The following GSS variants were observed in gnomAD, a reference collection of about 807,000 sequenced individuals.
GSS encodes the protein glutathione synthetase, also known as GSH synthetase.
A neutral mutation model predicts 60.4 loss-of-function variants in GSS; 34 were observed. The observed-to-expected ratio is 0.56, with a 90% confidence interval of 0.43 to 0.75. The LOEUF (loss-of-function observed/expected upper bound fraction) is 0.75, where lower values mean the gene tolerates loss of function less well. Ranked by LOEUF, GSS falls within the 30% of genes least tolerant of loss-of-function variation. GSS has a pLI of 0.00. For synonymous variants in GSS, 224 were observed against 239.0 expected (o/e 0.94, Z 0.58); for missense variants, 499 against 595.1 (o/e 0.84, Z 1.68).
chr20:34,929,035 C>T (rs978999941), intron 12 of GSS, 84 bp from the exon 13 acceptor site: 115 of 1,520,164 alleles, frequency 7.6e-5, no homozygotes, highest in South Asian at 5.4e-4. Context: ...TGAGCAGTAC[C>T]TGGGTAACTG....
Position 34,942,604 on chromosome 20 carries a change from G to A in GSS, c.375C>T (p.Arg125=). The A allele has an allele frequency of 1.2e-6, 2 of 1,614,132 alleles. No individual in the cohort carries two copies. Among genetic ancestry groups the A allele is most frequent in the Admixed American group, 3.3e-5 (2 of 60,026 alleles). ...IAQTVFLGLN[R]SDYMFQRSAD... ...CGCTGCGCTGGAACATGTAGTCTGAGCGATTCAGGCCCAGGAACACAGTCT... is the reference window on the plus strand; with the variant it reads ...CGCTGCGCTGGAACATGTAGTCTGAACGATTCAGGCCCAGGAACACAGTCT... Residue 125 remains arginine, a synonymous_variant, in exon 5 of 13, where the codon CGC becomes CGT. Coordinates refer to ENST00000651619, the MANE Select transcript of GSS (RefSeq NM_000178.4).
chr20:34,937,763 CAT>C (rs1339533753), intron 6 of GSS, among the ~76,000 whole-genome samples: 1 of 152,198 alleles, frequency 6.6e-6, no homozygotes, highest in Admixed American at 6.5e-5. Context: ...TGCCAGCTAA[CAT>C]ATTTCCGTTG....
At chr20:34,940,978 G>A (rs34632033) in intron 6 of GSS, among the ~76,000 whole-genome samples, 66 of 152,278 alleles carry the variant, frequency 4.3e-4, no homozygotes, top group African/African-American at 1.6e-3. Context: ...GGGCATGGGG[G>A]GTGGAGGATT....
At chr20:34,933,309 A>C (rs1473383455) in intron 9 of GSS, among the ~76,000 whole-genome samples, 8 of 152,140 alleles carry the variant, frequency 5.3e-5, no homozygotes, top group Admixed American at 5.2e-4. Flanking sequence ...TTGCTGAATA[A>C]GTTGAAATTT....
chr20:34,935,009 C>G (rs1344586847), intron 9 of GSS, among the ~76,000 whole-genome samples: 1 of 152,224 alleles, frequency 6.6e-6, no homozygotes, highest in Non-Finnish European at 1.5e-5. Flanking sequence ...AACCTGGGAA[C>G]TTCCTGTAGG....
intron 2 of GSS, 36 bp downstream of exon 2, chr20:34,951,688 C>T: frequency 1.9e-6 from 3 of 1,584,146 alleles, no homozygotes; most frequent in Non-Finnish European, 2.6e-6. Flanking sequence ...GACAGTGGGC[C>T]ATGGTGAATG....
chr20:34,955,992 C>G (rs1424385367), upstream of GSS: 1 of 152,222 alleles, frequency 6.6e-6, no homozygotes, highest in Non-Finnish European at 1.5e-5. Context: ...CCATCGGGGT[C>G]GGCGGGGAGC....
At chr20:34,935,523 G>C in intron 9 of GSS, 53 bp downstream of exon 9, 1 of 1,203,530 alleles carries the variant, frequency 8.3e-7, no homozygotes, top group Non-Finnish European at 1.2e-6. Flanking sequence ...GGGTCTCTGT[G>C]GAGCTCTTGT....
In GSS at chr20:34,935,633, C is replaced by T; in HGVS notation, c.777G>A (p.Gln259=). ...CCCGGAAGTAAACCACAGCAATTTC[C>T]TGGCCATCCCTGGAACACAGGATGG... is the stretch of plus-strand genomic sequence containing the variant. ...DQDRRLFVDG[Q]EIAVVYFRDG... Residue 259 remains glutamine (Q), a synonymous_variant, in exon 9 of 13, where the codon CAG becomes CAA. Transcript: ENST00000651619. 3 of 1,611,052 alleles carry T rather than the reference C, an allele frequency of 1.9e-6. No homozygotes were observed. The East Asian group carries it at 6.7e-5, about 36-fold the overall frequency.
chr20:34,952,408 G>C (rs1040283800), intron 1 of GSS: 4 of 163,480 alleles, frequency 2.4e-5, no homozygotes, highest in African/African-American at 4.8e-5. Flanking sequence ...GATGCAAGAG[G>C]CCTGATGGGA....
Position 34,936,820 on chromosome 20 carries a change from C to T in GSS, c.710G>A (p.Arg237Gln), listed in dbSNP as rs758823167. 4.3e-5 allele frequency: 70 copies of T among 1,614,038 alleles called. No individual in the cohort carries two copies. The highest frequency in any genetic ancestry group is 4.1e-4 in the South Asian group (37 of 91,062). ...CTTTTCAGAGATATCTTCAAATGTTCGTCGGATCACATGGATGTTCCTGGG... is the reference window on the plus strand; with the variant it reads ...CTTTTCAGAGATATCTTCAAATGTTTGTCGGATCACATGGATGTTCCTGGG... ...LLARNIHVIR[R>Q]TFEDISEKGS... The change falls in exon 8 of 13, where the codon CGA (arginine) becomes CAA (glutamine). Residue 237 changes from arginine (R) to glutamine (Q), a missense_variant. By Grantham distance (43) the Arg-to-Gln change is conservative. Coordinates refer to ENST00000651619, the MANE Select transcript of GSS (RefSeq NM_000178.4).
chr20:34,928,603 G>A lies in GSS; in HGVS notation c.*225C>T. On this transcript the variant is annotated 3_prime_UTR_variant, in exon 13 of 13. Transcript: ENST00000651619. ...AGGGTTCATGGACCTTTACCTCAGAGCAGCTTACCCTGAGCTATACCCACA... is the reference window on the plus strand; with the variant it reads ...AGGGTTCATGGACCTTTACCTCAGAACAGCTTACCCTGAGCTATACCCACA... The A allele has an allele frequency of 1.7e-6, 1 of 603,984 alleles. No homozygotes were observed. Among genetic ancestry groups the A allele is most frequent in the Non-Finnish European group, 3.0e-6 (1 of 336,314 alleles). The allele number at this position is 603,984 out of a possible 1,614,324, so 37.4% of individuals were successfully genotyped here. A position where few individuals can be genotyped will look rare whatever the true frequency, so the allele number is the denominator to read the frequency against.
intron 2 of GSS, among the ~76,000 whole-genome samples, chr20:34,947,346 C>G (rs2081530637): frequency 6.6e-6 from 1 of 152,142 alleles, no homozygotes; most frequent in South Asian, 2.1e-4. Context: ...CCTCAGCCTC[C>G]CAAAGTGTTG....
At chr20:34,942,287 G>A (rs1326692064) in intron 5 of GSS, among the ~76,000 whole-genome samples, 1 of 152,172 alleles carries the variant, frequency 6.6e-6, no homozygotes. Flanking sequence ...AGGACTAGAT[G>A]AGCTATGAGG....
intron 1 of GSS, chr20:34,952,770 G>A (rs1227520123): frequency 1.3e-5 from 2 of 152,200 alleles, no homozygotes; most frequent in African/African-American, 4.8e-5. Context: ...CCTGGGATAG[G>A]AGTCACTGCA....
At chr20:34,952,481 C>T (rs961713067) in intron 1 of GSS, among the ~76,000 whole-genome samples, 10 of 151,746 alleles carry the variant, frequency 6.6e-5, no homozygotes, top group Non-Finnish European at 1.3e-4. Context: ...GTCGCCTAGG[C>T]TGGAGTTCAG....
Position 34,928,438 on chromosome 20 carries a change from C to G in GSS, c.*390G>C, listed in dbSNP as rs886056639. ...ACGAAGTAAGGAATCATCACTGAAT[C>G]AGCAATGCAGTTTTATTTAAGGCAG... On this transcript the variant is annotated 3_prime_UTR_variant, in exon 13 of 13. Coordinates refer to ENST00000651619, the MANE Select transcript of GSS (RefSeq NM_000178.4). The G allele has an allele frequency of 4.6e-5, 15 of 327,814 alleles. No individual in the cohort carries two copies. Among genetic ancestry groups the G allele is most frequent in the South Asian group, 4.5e-4 (15 of 32,968 alleles). 20.3% of individuals were successfully genotyped at this position (327,814 alleles called of 1,614,324 possible).
In GSS at chr20:34,942,926, G is replaced by A. The variant is rs748876706; in HGVS notation, c.351+5C>T. ...ACAGACTGGAGTAGGGCTGGGAATG[G>A]TTACCTGGGCAATGCCCTCTTTTAG... On this transcript the variant is annotated splice_donor_5th_base_variant and intron_variant, in intron 4 of 12. Coordinates refer to ENST00000651619, the MANE Select transcript of GSS (RefSeq NM_000178.4). 2.5e-6 allele frequency: 4 copies of A among 1,584,416 alleles called. No individual in the cohort carries two copies. The highest frequency in any genetic ancestry group is 1.1e-5 in the South Asian group (1 of 89,542).
chr20:34,952,425 G>A (rs1398159655), intron 1 of GSS: 1 of 160,274 alleles, frequency 6.2e-6, no homozygotes, highest in Non-Finnish European at 1.4e-5. Context: ...GGGAAGGAGG[G>A]GTTGAGGCTT....
Sources: gnomAD v4.1 joint callset for allele counts (sites outside exome capture counted in the v4.1 genomes callset) on GRCh38, gnomAD v4.1.1 for gene constraint, MANE v1.5 for transcripts, NCBI Gene and HGNC (gene_info 2026-07-23, HGNC 2026-07-21) for gene names.